Variants in HR observed in about 807,000 individuals in gnomAD.
HR encodes the protein HR lysine demethylase and nuclear receptor corepressor, also known as lysine-specific demethylase hairless.
HR carries 83 observed loss-of-function variants against 128.6 expected under a neutral mutation model. The observed-to-expected ratio is 0.65, with a 90% CI of 0.54 to 0.77. HR has a LOEUF of 0.77. Among genes scored for constraint, HR ranks in the 30% least tolerant of loss-of-function variants. HR has a pLI of 0.00. For missense variants in HR, 1,490 were observed against 1,574.6 expected (o/e 0.95, Z 0.91); for synonymous variants, 681 against 658.2 (o/e 1.03, Z -0.53).
At chr8:22,117,097 G>A in intron 16 of HR, 58 bp from the exon 17 acceptor site, 1 of 1,430,956 alleles carries the variant, frequency 7.0e-7, no homozygotes, top group Non-Finnish European at 9.2e-7. Context: ...GGCTGCAGGA[G>A]GATGGGGCAT....
At chr8:22,121,808 G>T in intron 8 of HR, 114 bp from the exon 9 acceptor site, 1 of 1,053,020 alleles carries the variant, frequency 9.5e-7, no homozygotes, top group Non-Finnish European at 1.4e-6. Context: ...CTAAAATCGT[G>T]TTTATAGGAG....
At position 22,129,752 on chromosome 8, in the gene HR, G is replaced by A. The variant is rs191259710; in HGVS notation, c.-40-542C>T. Among the ~76,000 whole-genome samples, 684 of 152,334 alleles carry A rather than the reference G, an allele frequency of 4.5e-3. 7 individuals are homozygous for A. The highest frequency in any genetic ancestry group is 0.016 in the African/African-American group (661 of 41,572). The stretch of plus-strand genomic sequence containing the variant: ...AGGCTTGTAGCCGTGGGAAGTGCAG[G>A]CCTGGCAGGCTGGAGTCGCTGGGGA... On this transcript the variant is annotated intron_variant, in intron 1 of 18. Coordinates refer to ENST00000381418, the MANE Select transcript of HR (RefSeq NM_005144.5).
intron 5 of HR, among the ~76,000 whole-genome samples, chr8:22,124,048 T>G (rs1425588560): frequency 6.6e-6 from 1 of 152,154 alleles, no homozygotes; most frequent in Non-Finnish European, 1.5e-5. Context: ...CCAGGGACAT[T>G]GGAGGCCTCA....
At chr8:22,123,010 A>T in intron 6 of HR, 131 bp from the exon 7 acceptor site, 1 of 822,270 alleles carries the variant, frequency 1.2e-6, no homozygotes, top group Non-Finnish European at 2.0e-6. Flanking sequence ...TTTCTGGGAA[A>T]CCTGGGTCAC....
chr8:22,124,306 T>G lies in HR; in HGVS notation c.1751-493A>C, dbSNP rs146379837. On this transcript the variant is annotated intron_variant, in intron 5 of 18. Coordinates refer to ENST00000381418, the MANE Select transcript of HR (RefSeq NM_005144.5). ...GTACAGTGGTGTGATTACAGCTCAC[T>G]GCAGCCTCCATCTCCTGGACTCAAG... is the stretch of plus-strand genomic sequence containing the variant. 1.1e-4 allele frequency among the ~76,000 whole-genome samples: 16 copies of G among 152,346 alleles called. No individual in the cohort carries two copies. The East Asian group carries it at 2.5e-3, about 24-fold the overall frequency.
chr8:22,129,274 C>T (rs555871937), intron 1 of HR, 64 bp from the exon 2 acceptor site: 1 of 1,408,670 alleles, frequency 7.1e-7, no homozygotes, highest in South Asian at 1.5e-5. Context: ...TACAGCCTGG[C>T]ACAGAGTGGG....
intron 14 of HR, among the ~76,000 whole-genome samples, 194 bp from the exon 15 acceptor site, chr8:22,119,477 C>G (rs1387520558): frequency 2.0e-5 from 3 of 152,208 alleles, no homozygotes; most frequent in African/African-American, 7.2e-5. Context: ...CGTGGTGGTG[C>G]ATGCCTGTAA....
intron 11 of HR, 30 bp downstream of exon 11, chr8:22,120,686 G>A: frequency 3.3e-6 from 5 of 1,508,120 alleles, no homozygotes; most frequent in Non-Finnish European, 4.4e-6. Context: ...GGGTGGCCAG[G>A]GCCGGGAGGG....
chr8:22,119,628 A>AG (rs1826682908), intron 14 of HR, 132 bp downstream of exon 14: 31 of 1,236,706 alleles, frequency 2.5e-5, no homozygotes, highest in East Asian at 5.1e-5. Context: ...AAAAAAAAAA[A>AG]AAAGAAAGAA....
At chr8:22,119,616 C>CAA (rs759829347) in intron 14 of HR, 144 bp downstream of exon 14, 1,264 of 919,620 alleles carry the variant, frequency 1.4e-3, no homozygotes, top group South Asian at 1.7e-3. Flanking sequence ...TCAACAACAA[C>CAA]AAAAAAAAAA....
intron 9 of HR, among the ~76,000 whole-genome samples, 153 bp from the exon 10 acceptor site, chr8:22,121,381 G>A (rs1039786928): frequency 1.3e-5 from 2 of 152,124 alleles, no homozygotes; most frequent in African/African-American, 2.4e-5. Flanking sequence ...GGGTCTCCCC[G>A]CTCTACTGCT....
rs2131746912 is a variant in HR, at chr8:22,114,615, C to G, written c.*1085G>C. 6.5e-6 allele frequency: 1 copy of G among 152,856 alleles called. No homozygotes were observed. Among genetic ancestry groups the G allele is most frequent in the African/African-American group, 2.4e-5 (1 of 41,582 alleles). The allele number at this position is 152,856 out of a possible 1,614,324, so 9.5% of individuals were successfully genotyped here. ...GGAGGGGTCGGCTGTCTGAAGCAGT[C>G]AGGCTCAGTCCCAGGGTGGCTGGGC... On this transcript the variant is annotated 3_prime_UTR_variant, in exon 19 of 19. Coordinates refer to ENST00000381418, the MANE Select transcript of HR (RefSeq NM_005144.5).
At chr8:22,125,869 A>G in intron 3 of HR, 137 bp from the exon 4 acceptor site, 1 of 1,020,658 alleles carries the variant, frequency 9.8e-7, no homozygotes, top group Non-Finnish European at 1.4e-6. Flanking sequence ...CCTAATTCAG[A>G]ACCAGCAAGA....
Position 22,116,331 on chromosome 8 carries a change from A to T in HR, c.3476T>A (p.Leu1159His). The T allele has an allele frequency of 6.2e-7, 1 of 1,612,588 alleles. No homozygotes were observed. The highest frequency in any genetic ancestry group is 8.5e-7 in the Non-Finnish European group (1 of 1,179,848). Residue 1159 changes from leucine to histidine, a missense_variant, in exon 18 of 19, where the codon CTT (leucine) becomes CAT (histidine). This residue lies in a region of HR where 423 missense variants were observed against 495.9 expected (regional missense o/e 0.85). Coordinates refer to ENST00000381418, the MANE Select transcript of HR (RefSeq NM_005144.5). This position sits in a 1 kb window ranked among gnomAD's most constrained non-coding sequence, Gnocchi z 4.2. ...ATAAAGCAGGTGGCAGTCAGGGGGA[A>T]GGCTGGGTCCCTGGTGGCAGAGCTG... ...SAQLCHQGPS[L>H]PPDCHLLYAQ...
Position 22,120,580 on chromosome 8 carries a change from G to T in HR, c.2611-73C>A, listed in dbSNP as rs1179377355. On this transcript the variant is annotated intron_variant, in intron 11 of 18. Transcript: ENST00000381418. ...CGCCATGGCCAGGCAAGGGCGTGTT[G>T]TAAGGGCAGTAGAACAGCTCGGGGA... 5 of 1,599,760 alleles carry T rather than the reference G, an allele frequency of 3.1e-6. 1 individual carries two copies. Among genetic ancestry groups the T allele is most frequent in the African/African-American group, 2.7e-5 (2 of 74,888 alleles).
chr8:22,124,708 G>T (rs1252331139), intron 5 of HR, among the ~76,000 whole-genome samples: 1 of 152,200 alleles, frequency 6.6e-6, no homozygotes, highest in Non-Finnish European at 1.5e-5. Flanking sequence ...CAGGTAGAAA[G>T]GGAGGAGCAG....
intron 8 of HR, 22 bp downstream of exon 8, chr8:22,122,471 G>T: frequency 6.4e-7 from 1 of 1,559,438 alleles, no homozygotes. Flanking sequence ...ATACCCAACC[G>T]GTGACATGCC....
At chr8:22,130,158 G>C (rs1016085107) in intron 1 of HR, among the ~76,000 whole-genome samples, 2 of 152,266 alleles carry the variant, frequency 1.3e-5, no homozygotes, top group Non-Finnish European at 2.9e-5. Flanking sequence ...GGTGGCACTA[G>C]AGCGGCAGCG....
At position 22,116,980 on chromosome 8, in the gene HR, A is replaced by G. The variant is rs964767969; in HGVS notation, c.3273T>C (p.Asp1091=). 6 of 1,534,266 alleles carry G rather than the reference A, an allele frequency of 3.9e-6. No homozygotes were observed. Among genetic ancestry groups the G allele is most frequent in the South Asian group, 2.4e-5 (2 of 83,974 alleles). The stretch of plus-strand genomic sequence containing the variant: ...CCCGCAGGCGCCGCCGCAGCCCTGC[A>G]TCCAGGTAGCAGCTGCCTGGGGCGC... ...EPGAPGSCYL[D]AGLRRRLREE... is the part of the protein sequence containing the mutation. The change falls in exon 17 of 19, where the codon GAT becomes GAC. Residue 1091 remains aspartate, a synonymous_variant. Coordinates refer to ENST00000381418, the MANE Select transcript of HR (RefSeq NM_005144.5). The surrounding 1 kb of genome is among the most constrained non-coding windows in gnomAD (Gnocchi z 4.2).
Sources: allele counts gnomAD v4.1 joint callset (sites outside exome capture counted in the v4.1 genomes callset), GRCh38; gene constraint gnomAD v4.1.1; regional missense constraint gnomAD v4.1.1; non-coding constraint Gnocchi (gnomAD v3.1); transcripts MANE v1.5; gene names NCBI Gene and HGNC (gene_info 2026-07-23, HGNC 2026-07-21).